Variants in ARL15 observed in about 807,000 individuals in gnomAD.
The protein encoded by ARL15 is ADP-ribosylation factor-like protein 15.
ARL15 carries 19 observed loss-of-function variants against 25.2 expected under a neutral mutation model. The observed-to-expected ratio is 0.75, with a 90% CI of 0.53 to 1.10. ARL15 has a LOEUF of 1.10. Among genes scored for constraint, ARL15 ranks in the 50% least tolerant of loss-of-function variants. The pLI, the probability that ARL15 is intolerant of heterozygous loss-of-function variation, is 0.00. For synonymous variants in ARL15, 94 were observed against 86.8 expected (o/e 1.08, Z -0.46); for missense variants, 220 against 246.0 (o/e 0.89, Z 0.71).
chr5:53,978,503 G>A (rs371280228), intron 4 of ARL15, among the ~76,000 whole-genome samples: 39 of 151,734 alleles, frequency 2.6e-4, no homozygotes, highest in African/African-American at 9.2e-4. Flanking sequence ...AAATATCACA[G>A]GGCAAGCATG....
At chr5:54,247,554 A>C (rs1757120526) in intron 1 of ARL15, among the ~76,000 whole-genome samples, 1 of 151,910 alleles carries the variant, frequency 6.6e-6, no homozygotes, top group Admixed American at 6.6e-5. Flanking sequence ...ACTCCAAAAC[A>C]CAAAGAATGG....
chr5:53,979,511 G>A (rs924911538), intron 4 of ARL15, among the ~76,000 whole-genome samples: 3 of 152,252 alleles, frequency 2.0e-5, no homozygotes, highest in Non-Finnish European at 4.4e-5. Flanking sequence ...TTGCACTCCA[G>A]CCTGGGCAAC....
At chr5:53,904,948 G>A (rs529229899) in intron 4 of ARL15, among the ~76,000 whole-genome samples, 21 of 152,032 alleles carry the variant, frequency 1.4e-4, no homozygotes, top group South Asian at 4.2e-4. Context: ...GGCTGGTCTC[G>A]AACTCCTGAC....
intron 3 of ARL15, among the ~76,000 whole-genome samples, chr5:54,123,950 A>C (rs555616031): frequency 6.6e-6 from 1 of 152,356 alleles, no homozygotes; most frequent in African/African-American, 2.4e-5. Context: ...GCCAAAAAGA[A>C]GACAAATGAC....
At chr5:54,277,929 AAC>A (rs941956432) in intron 1 of ARL15, among the ~76,000 whole-genome samples, 1 of 152,154 alleles carries the variant, frequency 6.6e-6, no homozygotes, top group African/African-American at 2.4e-5. Flanking sequence ...CAGAAAACCA[AAC>A]AGTCACCCCT....
At chr5:54,089,675 A>C (rs1295416882) in intron 4 of ARL15, among the ~76,000 whole-genome samples, 1 of 152,176 alleles carries the variant, frequency 6.6e-6, no homozygotes, top group Non-Finnish European at 1.5e-5. Context: ...CACCAATCCT[A>C]TTCAAAATTG....
intron 4 of ARL15, among the ~76,000 whole-genome samples, chr5:54,029,508 G>A (rs1207133112): frequency 6.6e-6 from 1 of 152,182 alleles, no homozygotes; most frequent in African/African-American, 2.4e-5. Context: ...TGTAACATAT[G>A]CAATAAATAC....
At chr5:54,199,836 C>T (rs1353034787) in intron 1 of ARL15, among the ~76,000 whole-genome samples, 1 of 53,088 alleles carries the variant, frequency 1.9e-5, no homozygotes, top group African/African-American at 7.5e-5. Context: ...TATAAAGACA[C>T]ATGCACACAT....
At chr5:54,104,281 A>G (rs999914078) in intron 4 of ARL15, among the ~76,000 whole-genome samples, 1 of 152,026 alleles carries the variant, frequency 6.6e-6, no homozygotes, top group Admixed American at 6.6e-5. Context: ...CATTCTCTTG[A>G]GGTCTTTTAT....
intron 4 of ARL15, among the ~76,000 whole-genome samples, chr5:54,002,004 A>G (rs1466450579): frequency 6.6e-6 from 1 of 152,230 alleles, no homozygotes; most frequent in African/African-American, 2.4e-5. Flanking sequence ...CAAGGCACAA[A>G]CAACTCTTCA....
At chr5:54,031,178 C>T (rs1349230863) in intron 4 of ARL15, among the ~76,000 whole-genome samples, 4 of 151,996 alleles carry the variant, frequency 2.6e-5, no homozygotes, top group South Asian at 2.1e-4. Context: ...AAGTTTGTGC[C>T]GACATAGCAT....
chr5:54,259,271 T>A (rs1461223500), intron 1 of ARL15, among the ~76,000 whole-genome samples: 1 of 152,146 alleles, frequency 6.6e-6, no homozygotes, highest in Non-Finnish European at 1.5e-5. Context: ...CATACTGATA[T>A]ATGCACACAC....
intron 4 of ARL15, among the ~76,000 whole-genome samples, chr5:54,101,567 CTGTA>C (rs1752439346): frequency 6.6e-6 from 1 of 152,018 alleles, no homozygotes; most frequent in African/African-American, 2.4e-5. Flanking sequence ...GAAAACTGTG[CTGTA>C]TTAGCTTAAA....
At chr5:53,994,123 T>G (rs1345563842) in intron 4 of ARL15, among the ~76,000 whole-genome samples, 1 of 152,224 alleles carries the variant, frequency 6.6e-6, no homozygotes, top group East Asian at 1.9e-4. Context: ...CCCTTGCTCT[T>G]TTCTTTAACA....
intron 4 of ARL15, among the ~76,000 whole-genome samples, chr5:54,072,380 A>G (rs1435050589): frequency 6.6e-6 from 1 of 152,166 alleles, no homozygotes; most frequent in Non-Finnish European, 1.5e-5. Flanking sequence ...AACACAAACA[A>G]GGACACACAT....
intron 1 of ARL15, among the ~76,000 whole-genome samples, chr5:54,305,639 GA>G (rs748390255): frequency 2.8e-4 from 43 of 152,188 alleles, no homozygotes; most frequent in Non-Finnish European, 5.6e-4. Context: ...ACACACCTAT[GA>G]TAAAGTTTAA....
At chr5:54,262,897 G>A (rs1364956699) in intron 1 of ARL15, among the ~76,000 whole-genome samples, 5 of 152,126 alleles carry the variant, frequency 3.3e-5, no homozygotes, top group Non-Finnish European at 2.9e-5. Flanking sequence ...GCCGGGCACT[G>A]GCAACAAAAA....
chr5:54,209,064 G>T (rs985746227), intron 1 of ARL15, among the ~76,000 whole-genome samples: 1 of 152,110 alleles, frequency 6.6e-6, no homozygotes, highest in African/African-American at 2.4e-5. Flanking sequence ...TAATAAAGAA[G>T]AAATCATAAT....
chr5:53,938,356 C>T (rs1185315906), intron 4 of ARL15, among the ~76,000 whole-genome samples: 2 of 152,126 alleles, frequency 1.3e-5, no homozygotes. Flanking sequence ...TAGGGAACTT[C>T]CCTACCACAT....
Sources: allele counts gnomAD v4.1 joint callset (sites outside exome capture counted in the v4.1 genomes callset), GRCh38; gene constraint gnomAD v4.1.1; transcripts MANE v1.5; gene names NCBI Gene and HGNC (gene_info 2026-07-23, HGNC 2026-07-21).